The following RAP1B variants were observed in gnomAD, a reference collection of about 807,000 sequenced individuals.
The protein encoded by RAP1B is RAP1B, member of RAS oncogene family.
Under a neutral mutation model 27.5 loss-of-function variants are expected in RAP1B, and 1 was observed. The observed-to-expected ratio is 0.04, with a 90% CI of 0.01 to 0.17. The LOEUF is 0.17. Ranked by LOEUF, RAP1B falls within the 10% of genes least tolerant of loss-of-function variation. The pLI is 1.00. For missense variants in RAP1B, 84 were observed against 214.8 expected (o/e 0.39, Z 3.81); for synonymous variants, 75 against 73.1 (o/e 1.03, Z -0.13).
chr12:68,661,054 T>C lies in RAP1B; in HGVS notation c.*1805T>C, dbSNP rs753309964. The C allele has an allele frequency of 1.3e-5, 2 of 152,174 alleles. No individual in the cohort carries two copies. Among genetic ancestry groups the C allele is most frequent in the Non-Finnish European group, 2.9e-5 (2 of 68,020 alleles). The allele number at this position is 152,174 out of a possible 1,614,324, so 9.4% of individuals were successfully genotyped here. On this transcript the variant is annotated 3_prime_UTR_variant, in exon 8 of 8. Coordinates refer to ENST00000250559, the MANE Select transcript of RAP1B (RefSeq NM_001010942.3). ...AAATTGTAAAGCTCTTAAAAAACTT[T>C]TTGAAAGTATTTGCCAGCTACTGGA... is the stretch of plus-strand genomic sequence containing the variant.
intron 3 of RAP1B, 161 bp downstream of exon 3, chr12:68,650,629 T>A: frequency 1.5e-6 from 1 of 645,840 alleles, no homozygotes; most frequent in Non-Finnish European, 2.3e-6. Flanking sequence ...GTTACCAGTT[T>A]AAGAGGATCA....
At chr12:68,648,537 C>T (rs547349575) in intron 1 of RAP1B, 162 bp from the exon 2 acceptor site, 1 of 589,534 alleles carries the variant, frequency 1.7e-6, no homozygotes, top group Admixed American at 3.4e-5. Flanking sequence ...TTTCTTCTAC[C>T]TCTGAGCATC....
chr12:68,636,768 C>T (rs1872658887), intron 1 of RAP1B, among the ~76,000 whole-genome samples: 1 of 152,190 alleles, frequency 6.6e-6, no homozygotes, highest in South Asian at 2.1e-4. Flanking sequence ...ATTCTCCTGC[C>T]TCAGCCTCCG....
At chr12:68,633,694 C>A (rs1210796184) in intron 1 of RAP1B, among the ~76,000 whole-genome samples, 1 of 151,940 alleles carries the variant, frequency 6.6e-6, no homozygotes, top group Non-Finnish European at 1.5e-5. Context: ...TGTGGTGAAA[C>A]CCCGTCTCTA....
At chr12:68,655,623 C>G (rs1276627962) in intron 5 of RAP1B, among the ~76,000 whole-genome samples, 1 of 150,110 alleles carries the variant, frequency 6.7e-6, no homozygotes, top group Non-Finnish European at 1.5e-5. Context: ...GCAACCTCTG[C>G]CTCCCAAGTT....
At chr12:68,640,411 AG>A (rs1369725456) in intron 1 of RAP1B, among the ~76,000 whole-genome samples, 1 of 152,044 alleles carries the variant, frequency 6.6e-6, no homozygotes, top group Non-Finnish European at 1.5e-5. Flanking sequence ...TTCTGAGGAC[AG>A]GGTCTTTCTT....
chr12:68,638,206 T>C (rs890989615), intron 1 of RAP1B, among the ~76,000 whole-genome samples: 2 of 152,206 alleles, frequency 1.3e-5, no homozygotes, highest in East Asian at 1.9e-4. Flanking sequence ...GTCACTTGTT[T>C]TTAACTTCTT....
Position 68,659,900 on chromosome 12 carries a change from A to ACCC in RAP1B, c.*651_*652insCCC, listed in dbSNP as rs1874505632. On this transcript the variant is annotated 3_prime_UTR_variant, in exon 8 of 8. Coordinates refer to ENST00000250559, the MANE Select transcript of RAP1B (RefSeq NM_001010942.3). The stretch of plus-strand genomic sequence containing the variant: ...ACGTTGCCTTTAATATCTGTTGGGA[A>ACCC]GGAAATGTCCAGACTTTTCAAATCT... 2.6e-5 allele frequency: 4 copies of ACCC among 151,748 alleles called. No homozygotes were observed. Among genetic ancestry groups the ACCC allele is most frequent in the African/African-American group, 9.7e-5 (4 of 41,038 alleles). The allele number at this position is 151,748 out of a possible 1,614,324, so 9.4% of individuals were successfully genotyped here.
chr12:68,616,164 G>C (rs888779187), intron 1 of RAP1B, among the ~76,000 whole-genome samples: 8 of 151,976 alleles, frequency 5.3e-5, no homozygotes, highest in African/African-American at 1.9e-4. Context: ...GGGTTTCACT[G>C]TGTTAGCCAG....
At chr12:68,627,199 G>A in intron 1 of RAP1B, 1 of 1,527,646 alleles carries the variant, frequency 6.5e-7, no homozygotes, top group South Asian at 1.1e-5. Context: ...CACTGGGGTA[G>A]TGCAAGGTCA....
Position 68,661,954 on chromosome 12 carries a change from G to A in RAP1B, c.*2705G>A, listed in dbSNP as rs2135977322. 6.7e-6 allele frequency: 1 copy of A among 149,714 alleles called. No individual in the cohort carries two copies. Among genetic ancestry groups the A allele is most frequent in the South Asian group, 2.1e-4 (1 of 4,760 alleles). The allele number at this position is 149,714 out of a possible 1,614,324, so 9.3% of individuals were successfully genotyped here. A position where few individuals can be genotyped will look rare whatever the true frequency, so the allele number is the denominator to read the frequency against. ...GTTTCCTCATCTGTAAAATGAGAAT[G>A]ATAATACCTACTTCATAGGAGAGTG... On this transcript the variant is annotated 3_prime_UTR_variant, in exon 8 of 8. Coordinates refer to ENST00000250559, the MANE Select transcript of RAP1B (RefSeq NM_001010942.3).
chr12:68,653,756 G>A (rs144307784), intron 4 of RAP1B, among the ~76,000 whole-genome samples: 8 of 152,036 alleles, frequency 5.3e-5, no homozygotes, highest in African/African-American at 1.4e-4. Context: ...GTGAAAGCCC[G>A]TCTCTACCGA....
At chr12:68,650,377 T>C (rs761752609) in intron 2 of RAP1B, 23 bp from the exon 3 acceptor site, 1 of 1,519,898 alleles carries the variant, frequency 6.6e-7, no homozygotes, top group Non-Finnish European at 8.9e-7. Context: ...AGAAGTATAA[T>C]GGTTTCTTAA....
intron 1 of RAP1B, among the ~76,000 whole-genome samples, chr12:68,644,991 G>T (rs898689722): frequency 6.6e-6 from 1 of 152,064 alleles, no homozygotes; most frequent in South Asian, 2.1e-4. Flanking sequence ...GAGCCACCAC[G>T]CCTGGCCTGA....
intron 1 of RAP1B, among the ~76,000 whole-genome samples, chr12:68,646,774 A>G (rs1021561538): frequency 3.3e-5 from 5 of 152,234 alleles, no homozygotes; most frequent in African/African-American, 9.6e-5. Flanking sequence ...AACATGCAAC[A>G]TCAGTTCCTC....
chr12:68,616,369 C>T (rs2135910312), intron 1 of RAP1B, among the ~76,000 whole-genome samples: 1 of 152,002 alleles, frequency 6.6e-6, no homozygotes, highest in South Asian at 2.1e-4. Context: ...ACCACAGCCT[C>T]CGCCTCCAGG....
intron 1 of RAP1B, among the ~76,000 whole-genome samples, chr12:68,639,944 G>A (rs1184368649): frequency 1.1e-4 from 16 of 151,816 alleles, no homozygotes; most frequent in Admixed American, 7.9e-4. Context: ...GGGTTCAAGC[G>A]ATTCTCCTGC....
At chr12:68,618,684 G>C (rs182271794) in intron 1 of RAP1B, among the ~76,000 whole-genome samples, 3 of 152,268 alleles carry the variant, frequency 2.0e-5, no homozygotes, top group Admixed American at 2.0e-4. Flanking sequence ...AATAAACCAG[G>C]TTAGAGTACT....
At chr12:68,625,668 C>G (rs10878849) in intron 1 of RAP1B, among the ~76,000 whole-genome samples, 8,044 of 152,212 alleles carry the variant, frequency 0.053, 699 homozygotes, top group African/African-American at 0.18. Context: ...TGCCTGTAAT[C>G]CCAACACTTT....
Sources: allele counts gnomAD v4.1 joint callset (sites outside exome capture counted in the v4.1 genomes callset), GRCh38; gene constraint gnomAD v4.1.1; transcripts MANE v1.5; gene names NCBI Gene and HGNC (gene_info 2026-07-23, HGNC 2026-07-21).